PCDHGA11: variants seen among roughly 807,000 people sequenced by gnomAD.
PCDHGA11 encodes protocadherin gamma-A11.
A neutral mutation model predicts 60.4 loss-of-function variants in PCDHGA11; 39 were observed. The ratio of observed to expected loss-of-function variants is 0.65; its 90% CI spans 0.50 to 0.84. PCDHGA11 has a LOEUF of 0.84. Ranked by LOEUF, PCDHGA11 falls within the 40% of genes least tolerant of loss-of-function variation. PCDHGA11 has a pLI of 0.00. For synonymous variants in PCDHGA11, 533 were observed against 510.3 expected (o/e 1.04, Z -0.60); for missense variants, 1,165 against 1,197.7 (o/e 0.97, Z 0.40).
chr5:141,466,646 T>C (rs954003023), intron 1 of PCDHGA11, among the ~76,000 whole-genome samples: 11 of 152,210 alleles, frequency 7.2e-5, no homozygotes, highest in African/African-American at 2.4e-4. Context: ...CATAAACTTT[T>C]CACAAAACAT....
intron 1 of PCDHGA11, among the ~76,000 whole-genome samples, chr5:141,482,884 C>A (rs2099574053): frequency 6.6e-6 from 1 of 152,116 alleles, no homozygotes; most frequent in Non-Finnish European, 1.5e-5. Flanking sequence ...CCAGCCTGGC[C>A]AACATGGTGA....
chr5:141,457,877 C>A (rs1488774514), intron 1 of PCDHGA11, among the ~76,000 whole-genome samples: 1 of 152,196 alleles, frequency 6.6e-6, no homozygotes, highest in Admixed American at 6.6e-5. Context: ...AGGTTAGGAA[C>A]CCTGTGTGGG....
In PCDHGA11 at chr5:141,489,210, G is replaced by A; in HGVS notation, c.2434-5597G>A. ...TCTACCTTGGAGACAGGACAGCACAGACTTACTCTCCACAAAGGGACTTCT... is the reference window on the plus strand; with the variant it reads ...TCTACCTTGGAGACAGGACAGCACAAACTTACTCTCCACAAAGGGACTTCT... On this transcript the variant is annotated intron_variant, in intron 1 of 3. Coordinates refer to ENST00000398587, the MANE Select transcript of PCDHGA11 (RefSeq NM_018914.3). The surrounding 1 kb of genome is among the most constrained non-coding windows in gnomAD (Gnocchi z 4.5). 6 of 1,461,860 alleles carry A rather than the reference G, an allele frequency of 4.1e-6. No homozygotes were observed. Among genetic ancestry groups the A allele is most frequent in the Non-Finnish European group, 5.6e-6 (6 of 1,080,904 alleles). 90.6% of individuals were successfully genotyped at this position (1,461,860 alleles called of 1,614,324 possible). A position where few individuals can be genotyped will look rare whatever the true frequency, so the allele number is the denominator to read the frequency against.
chr5:141,485,714 G>C lies in PCDHGA11; in HGVS notation c.2434-9093G>C, dbSNP rs896709540. 6.2e-7 allele frequency: 1 copy of C among 1,614,064 alleles called. No homozygotes were observed. Among genetic ancestry groups the C allele is most frequent in the Non-Finnish European group, 8.5e-7 (1 of 1,180,050 alleles). On this transcript the variant is annotated intron_variant, in intron 1 of 3. Coordinates refer to ENST00000398587, the MANE Select transcript of PCDHGA11 (RefSeq NM_018914.3). The surrounding 1 kb of genome is among the most constrained non-coding windows in gnomAD (Gnocchi z 5.7). The stretch of plus-strand genomic sequence containing the variant: ...GAGCTCCAATGAACACTTTGCACTG[G>C]ATGTGAAGAAGCGCAGCGACGGCAG...
intron 1 of PCDHGA11, chr5:141,424,478 G>A (rs953233220): frequency 3.3e-5 from 5 of 151,898 alleles, no homozygotes; most frequent in Admixed American, 6.6e-5. Context: ...CTTTTACTTT[G>A]GTGTCTGTGT....
intron 1 of PCDHGA11, among the ~76,000 whole-genome samples, chr5:141,445,132 G>T (rs921068835): frequency 2.6e-5 from 4 of 152,026 alleles, no homozygotes; most frequent in Non-Finnish European, 5.9e-5. Flanking sequence ...TTTTAAAATT[G>T]TATCTTCTAA....
At chr5:141,508,193 C>T (rs1426786164) in intron 3 of PCDHGA11, 1 of 152,326 alleles carries the variant, frequency 6.6e-6, no homozygotes, top group Non-Finnish European at 1.5e-5. Flanking sequence ...ATCACCCCCA[C>T]CTCGTCCAGG....
rs1329649336 is a variant in PCDHGA11, at chr5:141,477,589, GCTTT to G, written c.2434-17207_2434-17204del. 2 of 1,614,130 alleles carry G rather than the reference GCTTT, an allele frequency of 1.2e-6. No homozygotes were observed. Among genetic ancestry groups the G allele is most frequent in the South Asian group, 1.1e-5 (1 of 91,086 alleles). ...ACCCCGACGCCCCGCAGAATGCTCGGCTTTCTTTCTTTCTCTTGGAGCAAGGAGC... is the reference window on the plus strand; with the variant it reads ...ACCCCGACGCCCCGCAGAATGCTCGGCTTTCTTTCTCTTGGAGCAAGGAGC... On this transcript the variant is annotated intron_variant, in intron 1 of 3. Coordinates refer to ENST00000398587, the MANE Select transcript of PCDHGA11 (RefSeq NM_018914.3). The surrounding 1 kb of genome is among the most constrained non-coding windows in gnomAD (Gnocchi z 4.9).
Position 141,432,035 on chromosome 5 carries a change from G to T in PCDHGA11, c.2433+8375G>T. 1 of 1,614,218 alleles carries T rather than the reference G, an allele frequency of 6.2e-7. No homozygotes were observed. The highest frequency in any genetic ancestry group is 1.1e-5 in the South Asian group (1 of 91,066). On this transcript the variant is annotated intron_variant, in intron 1 of 3. Transcript: ENST00000398587. The surrounding 1 kb of genome is among the most constrained non-coding windows in gnomAD (Gnocchi z 6.0). ...CTACAACATCACAGTGACCGCCACT[G>T]ACCGGGGAACCCCGCCCCTATCCAC... is the stretch of plus-strand genomic sequence containing the variant.
At chr5:141,496,799 G>C (rs2099771487) in intron 2 of PCDHGA11, among the ~76,000 whole-genome samples, 1 of 151,912 alleles carries the variant, frequency 6.6e-6, no homozygotes, top group African/African-American at 2.4e-5. Context: ...TAAACATTGG[G>C]CTATAGGAGT....
chr5:141,433,067 T>C, intron 1 of PCDHGA11: 3 of 1,614,144 alleles, frequency 1.9e-6, no homozygotes, highest in Non-Finnish European at 2.5e-6. Context: ...TCACCTGATC[T>C]TCCCCCAGCC....
At position 141,432,266 on chromosome 5, in the gene PCDHGA11, T is replaced by A. The variant is rs1444077446; in HGVS notation, c.2433+8606T>A. The A allele has an allele frequency of 9.3e-6, 15 of 1,614,096 alleles. No individual in the cohort carries two copies. Among genetic ancestry groups the A allele is most frequent in the Admixed American group, 3.3e-5 (2 of 60,010 alleles). The stretch of plus-strand genomic sequence containing the variant: ...CACCATCCAAGGGGCAAGCCTATCG[T>A]CCTACGTGTCCATCAACTCCGACAC... On this transcript the variant is annotated intron_variant, in intron 1 of 3. Transcript: ENST00000398587. The surrounding 1 kb of genome is among the most constrained non-coding windows in gnomAD (Gnocchi z 6.0).
chr5:141,433,110 G>C (rs1031253372), intron 1 of PCDHGA11: 1 of 1,614,098 alleles, frequency 6.2e-7, no homozygotes, highest in Middle Eastern at 1.7e-4. Context: ...AGCCAGGAGA[G>C]CTTTGAAAAA....
chr5:141,481,261 C>T lies in PCDHGA11; in HGVS notation c.2434-13546C>T, dbSNP rs2099534823. ...TACATAGCATAGCTCTAAAAGATCA[C>T]TGTAGGAAGACATAAAATGGTATTT... On this transcript the variant is annotated intron_variant, in intron 1 of 3. Coordinates refer to ENST00000398587, the MANE Select transcript of PCDHGA11 (RefSeq NM_018914.3). Among the ~76,000 whole-genome samples, 3 of 152,252 alleles carry T rather than the reference C, an allele frequency of 2.0e-5. No individual in the cohort carries two copies. The East Asian group carries it at 5.8e-4, about 29-fold the overall frequency.
chr5:141,433,437 T>C (rs1422634356), intron 1 of PCDHGA11, among the ~76,000 whole-genome samples: 2 of 152,076 alleles, frequency 1.3e-5, no homozygotes, highest in Admixed American at 1.3e-4. Flanking sequence ...AGTCTCACTA[T>C]GTTGAGCAGG....
Position 141,476,160 on chromosome 5 carries a change from G to A in PCDHGA11, c.2434-18647G>A, listed in dbSNP as rs781765205. 4.3e-6 allele frequency: 7 copies of A among 1,612,858 alleles called. No homozygotes were observed. The highest frequency in any genetic ancestry group is 5.9e-6 in the Non-Finnish European group (7 of 1,179,926). On this transcript the variant is annotated intron_variant, in intron 1 of 3. Coordinates refer to ENST00000398587, the MANE Select transcript of PCDHGA11 (RefSeq NM_018914.3). This position sits in a 1 kb window ranked among gnomAD's most constrained non-coding sequence, Gnocchi z 7.6. ...AGGAGCGGACTGGTAAGCACCGGGA[G>A]GGTAGTGGGAGTTTTGCTTCTGCTT...
chr5:141,478,396 G>T (rs150499152), intron 1 of PCDHGA11: 2 of 1,613,446 alleles, frequency 1.2e-6, no homozygotes, highest in African/African-American at 2.7e-5. Flanking sequence ...ACCATCAGGT[G>T]TATCTCACCA....
In PCDHGA11 at chr5:141,489,561, G is replaced by A. The variant is rs1750812409; in HGVS notation, c.2434-5246G>A. 6.2e-7 allele frequency: 1 copy of A among 1,614,106 alleles called. No homozygotes were observed. Among genetic ancestry groups the A allele is most frequent in the Non-Finnish European group, 8.5e-7 (1 of 1,180,026 alleles). On this transcript the variant is annotated intron_variant, in intron 1 of 3. Coordinates refer to ENST00000398587, the MANE Select transcript of PCDHGA11 (RefSeq NM_018914.3). The surrounding 1 kb of genome is among the most constrained non-coding windows in gnomAD (Gnocchi z 4.5). Reference sequence around the variant, plus strand: ...GCACCAGCTGCCTGCTGCCAGTGCAGGTGGTGACTGAACACCCCCTGGAGC... The same window carrying A: ...GCACCAGCTGCCTGCTGCCAGTGCAAGTGGTGACTGAACACCCCCTGGAGC...
chr5:141,448,788 A>C (rs865953914), intron 1 of PCDHGA11, among the ~76,000 whole-genome samples: 3 of 151,964 alleles, frequency 2.0e-5, no homozygotes, highest in South Asian at 2.1e-4. Flanking sequence ...AAAATACAAA[A>C]AAAAAAATTA....
Sources: gnomAD v4.1 joint callset for allele counts (sites outside exome capture counted in the v4.1 genomes callset) on GRCh38, gnomAD v4.1.1 for gene constraint, Gnocchi (gnomAD v3.1) non-coding constraint, MANE v1.5 for transcripts, NCBI Gene and HGNC (gene_info 2026-07-23, HGNC 2026-07-21) for gene names.